The following UVRAG variants were observed in gnomAD, a reference collection of about 807,000 sequenced individuals.
UVRAG encodes UV radiation resistance-associated gene protein.
In UVRAG, 19 loss-of-function variants were observed where a neutral mutation model predicts 78.0. That is an observed-to-expected ratio of 0.24 (90% CI 0.17 to 0.36). UVRAG has a LOEUF of 0.36. UVRAG is among the 10% of genes least tolerant of loss of function. The pLI, the probability that UVRAG is intolerant of heterozygous loss-of-function variation, is 1.00. For synonymous variants in UVRAG, 323 were observed against 324.6 expected (o/e 1.00, Z 0.05); for missense variants, 740 against 853.8 (o/e 0.87, Z 1.66).
intron 6 of UVRAG, among the ~76,000 whole-genome samples, chr11:75,956,498 G>A (rs1016897185): frequency 6.7e-6 from 1 of 149,878 alleles, no homozygotes; most frequent in African/African-American, 2.5e-5. Flanking sequence ...CGATTCCCTT[G>A]CCTCAGCCTC....
chr11:76,041,389 G>A (rs1649605120), intron 12 of UVRAG, among the ~76,000 whole-genome samples: 1 of 152,216 alleles, frequency 6.6e-6, no homozygotes, highest in African/African-American at 2.4e-5. Context: ...AACCCCAGAG[G>A]AGAGCAGGTG....
At chr11:76,053,113 C>T (rs112915357) in intron 12 of UVRAG, among the ~76,000 whole-genome samples, 164 of 151,856 alleles carry the variant, frequency 1.1e-3, no homozygotes, top group Non-Finnish European at 1.9e-3. Flanking sequence ...CAAGACCAGC[C>T]TGGCCAACAT....
At chr11:75,904,239 T>A (rs906857482) in intron 5 of UVRAG, among the ~76,000 whole-genome samples, 1 of 152,214 alleles carries the variant, frequency 6.6e-6, no homozygotes, top group African/African-American at 2.4e-5. Context: ...TTAAATTATC[T>A]ATTTCCCTGA....
At chr11:76,126,250 C>T (rs1952391135) in intron 14 of UVRAG, among the ~76,000 whole-genome samples, 1 of 151,998 alleles carries the variant, frequency 6.6e-6, no homozygotes, top group South Asian at 2.1e-4. Flanking sequence ...CTGGCAGTCA[C>T]ATTTTTAAAA....
chr11:75,862,421 CAAAG>C (rs537963264), intron 3 of UVRAG, among the ~76,000 whole-genome samples: 101 of 152,262 alleles, frequency 6.6e-4, no homozygotes, highest in African/African-American at 2.3e-3. Flanking sequence ...GTGTTGAAAA[CAAAG>C]AAGACCTTTC....
intron 11 of UVRAG, among the ~76,000 whole-genome samples, chr11:76,015,341 A>T (rs1037454289): frequency 2.6e-5 from 4 of 152,250 alleles, no homozygotes; most frequent in South Asian, 2.1e-4. Context: ...ATCTTTTTTT[A>T]AAAAATAATT....
chr11:76,128,946 T>C (rs1366550381), intron 14 of UVRAG, among the ~76,000 whole-genome samples: 1 of 152,252 alleles, frequency 6.6e-6, no homozygotes, highest in Admixed American at 6.5e-5. Context: ...CTTCTCTTAA[T>C]GGATAGCAAT....
At chr11:75,996,789 C>T (rs1219210312) in intron 8 of UVRAG, among the ~76,000 whole-genome samples, 1 of 152,120 alleles carries the variant, frequency 6.6e-6, no homozygotes, top group African/African-American at 2.4e-5. Flanking sequence ...GGATTTCAAC[C>T]TAGATCTTTC....
chr11:75,893,543 CAGT>C (rs1947268523), intron 5 of UVRAG, among the ~76,000 whole-genome samples: 1 of 151,854 alleles, frequency 6.6e-6, no homozygotes, highest in African/African-American at 2.4e-5. Flanking sequence ...TCATCAGCAG[CAGT>C]AGATGCCAGA....
chr11:76,038,563 C>T (rs780422864), intron 12 of UVRAG, among the ~76,000 whole-genome samples: 1 of 152,120 alleles, frequency 6.6e-6, no homozygotes, highest in Non-Finnish European at 1.5e-5. Flanking sequence ...ATTTTGGCAT[C>T]CACAAGGGTC....
At chr11:75,910,839 G>A (rs555416401) in intron 5 of UVRAG, among the ~76,000 whole-genome samples, 2 of 152,218 alleles carry the variant, frequency 1.3e-5, no homozygotes, top group African/African-American at 4.8e-5. Flanking sequence ...GTACCACAGA[G>A]TAGAAATATT....
intron 14 of UVRAG, among the ~76,000 whole-genome samples, chr11:76,128,011 T>C (rs1312770376): frequency 6.6e-6 from 1 of 150,600 alleles, no homozygotes; most frequent in Non-Finnish European, 1.5e-5. Context: ...CTTAAATGAA[T>C]TGGAGAGGGA....
chr11:76,008,856 A>G lies in UVRAG; in HGVS notation c.1049A>G (p.Glu350Gly). The change falls in exon 11 of 15, where the codon GAG becomes GGG. Residue 350 changes from glutamate to glycine, a missense_variant. Physicochemically the swap from Glu to Gly is moderately conservative, Grantham distance 98. Transcript: ENST00000356136. ...FVCGVKLPNS[E>G]DFQAKDDGSI... ...TGCGGTGTCAAGTTGCCTAATTCTG[A>G]GGACTTCCAAGGTATTTTATTTTTT... is the stretch of plus-strand genomic sequence containing the variant. The G allele has an allele frequency of 1.2e-5, 17 of 1,465,674 alleles. No individual in the cohort carries two copies. Among genetic ancestry groups the G allele is most frequent in the Non-Finnish European group, 1.6e-5 (17 of 1,083,570 alleles). 90.8% of individuals were successfully genotyped at this position (1,465,674 alleles called of 1,614,324 possible).
chr11:76,055,346 CT>C (rs1452430042), intron 12 of UVRAG, among the ~76,000 whole-genome samples: 1 of 152,208 alleles, frequency 6.6e-6, no homozygotes, highest in Non-Finnish European at 1.5e-5. Flanking sequence ...CCGCACCAGC[CT>C]GTTTTTCTCT....
intron 13 of UVRAG, among the ~76,000 whole-genome samples, chr11:76,099,651 T>G (rs1396096135): frequency 1.3e-5 from 2 of 152,150 alleles, no homozygotes; most frequent in Admixed American, 6.6e-5. Context: ...CATCCCTCAA[T>G]AGAATATTAA....
chr11:76,071,688 G>A (rs971484966), intron 13 of UVRAG, among the ~76,000 whole-genome samples: 1 of 152,106 alleles, frequency 6.6e-6, no homozygotes, highest in South Asian at 2.1e-4. Context: ...GACCAGATTA[G>A]GGGCAATGGT....
intron 4 of UVRAG, among the ~76,000 whole-genome samples, chr11:75,885,503 C>T (rs768092931): frequency 1.2e-4 from 19 of 152,062 alleles, no homozygotes; most frequent in African/African-American, 4.3e-4. Flanking sequence ...CCAAAGATCG[C>T]GCAGTGTTTG....
chr11:76,108,616 A>G (rs1679510235), intron 13 of UVRAG, among the ~76,000 whole-genome samples: 1 of 152,222 alleles, frequency 6.6e-6, no homozygotes, highest in African/African-American at 2.4e-5. Flanking sequence ...CTATATTTTT[A>G]TACAAAAAGG....
chr11:75,833,274 A>C (rs984167910), intron 1 of UVRAG, among the ~76,000 whole-genome samples: 4 of 152,168 alleles, frequency 2.6e-5, no homozygotes, highest in African/African-American at 9.7e-5. Context: ...TAAGTTAGGC[A>C]ATCTGGAAGT....
Sources: allele counts gnomAD v4.1 joint callset (sites outside exome capture counted in the v4.1 genomes callset), GRCh38; gene constraint gnomAD v4.1.1; transcripts MANE v1.5; gene names NCBI Gene and HGNC (gene_info 2026-07-23, HGNC 2026-07-21).